GPR143: variants seen among roughly 807,000 people sequenced by gnomAD.
GPR143 encodes the protein G protein-coupled receptor 143.
GPR143 carries 8 observed loss-of-function variants against 27.6 expected under a neutral mutation model. That is an observed-to-expected ratio of 0.29 (90% confidence interval 0.17 to 0.52). GPR143 has a LOEUF of 0.52. Among genes scored for constraint, GPR143 ranks in the 20% least tolerant of loss-of-function variants. The pLI is 0.96. For missense variants in GPR143, 303 were observed against 343.1 expected, an observed-to-expected ratio of 0.88 and a Z score of 0.92; for synonymous variants, 156 against 153.2, an observed-to-expected ratio of 1.02 and a Z score of -0.13.
intron 8 of GPR143, among the ~76,000 whole-genome samples, 187 bp downstream of exon 8, chrX:9,739,298 T>C (rs776603255): frequency 3.1e-4 from 35 of 111,755 alleles, no homozygotes; most frequent in African/African-American, 1.1e-3. Context: ...CATTTGTCAA[T>C]GTCTAGAAAG....
rs1269264768 is a variant in GPR143 at position 9,739,575 on chromosome X, G to T, written c.1030C>A (p.Pro344Thr). Reference protein sequence around the residue: ...TSAAEGAHPSPLMPHENPASG... With the variant: ...TSAAEGAHPSTLMPHENPASG... ...GCAGGGTTTTCATGGGGCATCAGTG[G>T]GGATGGGTGAGCCCCCTCAGCAGCC... Residue 344 changes from proline (P) to threonine (T), a missense_variant, in exon 8 of 9, where the codon CCA becomes ACA. By Grantham distance (38) the Pro-to-Thr change is conservative (BLOSUM62 -1). Coordinates refer to ENST00000467482, the MANE Select transcript of GPR143 (RefSeq NM_000273.3). The T allele has an allele frequency of 1.7e-6, 2 of 1,208,679 alleles. No individual in the cohort carries two copies. The highest frequency in any genetic ancestry group is 1.1e-6 in the Non-Finnish European group (1 of 893,873).
intron 8 of GPR143, among the ~76,000 whole-genome samples, chrX:9,732,865 CAAAA>C (rs34622284): frequency 2.1e-5 from 1 of 48,193 alleles, no homozygotes; most frequent in Non-Finnish European, 3.7e-5. Flanking sequence ...AACTCCATCT[CAAAA>C]AAAAAAAAAA....
At chrX:9,750,573 T>C (rs946480853) in intron 3 of GPR143, among the ~76,000 whole-genome samples, 4 of 109,932 alleles carry the variant, frequency 3.6e-5, no homozygotes, top group Non-Finnish European at 7.6e-5. Flanking sequence ...AGATGGCATT[T>C]TTTTTTTCAA....
chrX:9,737,860 C>G (rs1202486631), intron 8 of GPR143, among the ~76,000 whole-genome samples: 1 of 110,940 alleles, frequency 9.0e-6, no homozygotes, highest in African/African-American at 3.3e-5. Context: ...ATAAACTAGG[C>G]ATGGTGGTGT....
chrX:9,753,876 G>A (rs1379790829), intron 3 of GPR143, among the ~76,000 whole-genome samples: 1 of 111,636 alleles, frequency 9.0e-6, no homozygotes, highest in East Asian at 2.8e-4. Context: ...CTTGCCTTTC[G>A]CCTCCCCATT....
intron 4 of GPR143, among the ~76,000 whole-genome samples, chrX:9,748,343 T>C (rs1373660400): frequency 8.9e-6 from 1 of 112,827 alleles, no homozygotes; most frequent in Non-Finnish European, 1.9e-5. Context: ...TGGGTGCCTA[T>C]GCACACAAAC....
intron 5 of GPR143, among the ~76,000 whole-genome samples, chrX:9,744,284 G>A (rs2083418171): frequency 8.9e-6 from 1 of 111,909 alleles, no homozygotes; most frequent in African/African-American, 3.2e-5. Flanking sequence ...TTGCAGTGAG[G>A]CAAGATCACT....
intron 3 of GPR143, among the ~76,000 whole-genome samples, chrX:9,751,387 G>A (rs1387844385): frequency 8.9e-6 from 1 of 112,621 alleles, no homozygotes; most frequent in African/African-American, 3.2e-5. Context: ...GACCATCAGC[G>A]CTGTTACTCT....
chrX:9,774,010 T>G (rs953914262), intron 1 of GPR143, among the ~76,000 whole-genome samples: 2 of 109,443 alleles, frequency 1.8e-5, no homozygotes, highest in African/African-American at 6.7e-5. Context: ...CCCAGCCAGA[T>G]GCAATGGTTC....
At chrX:9,730,992 G>T (rs1027021488) in intron 8 of GPR143, among the ~76,000 whole-genome samples, 2 of 111,824 alleles carry the variant, frequency 1.8e-5, no homozygotes, top group Non-Finnish European at 3.8e-5. Context: ...GAATGAATCA[G>T]CAGGGTTCCA....
rs1401315267 is a variant in GPR143 at position 9,765,645 on chromosome X, C to T, written c.173G>A (p.Gly58Glu). The change falls in exon 1 of 9, where the codon GGG becomes GAG. Residue 58 changes from glycine to glutamate, a missense_variant. Gly to Glu is a moderately conservative substitution (Grantham distance 98). Coordinates refer to ENST00000467482, the MANE Select transcript of GPR143 (RefSeq NM_000273.3). ...GGCCGGCGGGGACGTCGCGGGGGAC[C>T]CGGGGCCCGCGGGCCGGCGGCCGGG... ...LLPGRRPAGP[G>E]SPATSPPASV... The T allele has an allele frequency of 5.6e-5, 55 of 982,078 alleles. No individual in the cohort carries two copies. 80.9% of individuals were successfully genotyped at this position (982,078 alleles called of 1,213,427 possible).
upstream of GPR143, among the ~76,000 whole-genome samples, chrX:9,767,173 A>AT (rs112413683): frequency 3.8e-4 from 40 of 105,850 alleles, no homozygotes; most frequent in Non-Finnish European, 5.3e-4. Context: ...GCATACTAAG[A>AT]TTTTTTTTTT....
At chrX:9,728,412 A>AAT (rs1491059517) in intron 8 of GPR143, among the ~76,000 whole-genome samples, 1 of 107,314 alleles carries the variant, frequency 9.3e-6, no homozygotes, top group East Asian at 2.9e-4. Context: ...AAAAAAAAAA[A>AAT]ATTAGAGTTA....
intron 1 of GPR143, 96 bp from the exon 2 acceptor site, chrX:9,760,922 G>C (rs1458978357): frequency 2.1e-6 from 1 of 471,569 alleles, no homozygotes; most frequent in East Asian, 4.2e-5. Flanking sequence ...AATAGATAGA[G>C]ATAGGAAGAG....
At chrX:9,736,968 G>A (rs972250386) in intron 8 of GPR143, among the ~76,000 whole-genome samples, 2 of 111,884 alleles carry the variant, frequency 1.8e-5, no homozygotes, top group African/African-American at 3.2e-5. Context: ...CTAGTACACA[G>A]CCTGGTAGAG....
rs35066814 is a variant in GPR143 at position 9,725,980 on chromosome X, C to CAAAAAAA, written c.1121-147_1121-141dup. On this transcript the variant is annotated intron_variant, in intron 8 of 8. Coordinates refer to ENST00000467482, the MANE Select transcript of GPR143 (RefSeq NM_000273.3). ...AAAGTCCTAGCATTCATCTCATCTG[C>CAAAAAAA]AAAAAAAAAAAAAAAAAAAAAAAAA... 328 of 355,019 alleles carry CAAAAAAA rather than the reference C, an allele frequency of 9.2e-4. 14 individuals carry two copies. In the African/African-American group the frequency reaches 0.023, roughly 25 times the overall value. 29.3% of individuals were successfully genotyped at this position (355,019 alleles called of 1,213,427 possible). A position where few individuals can be genotyped will look rare whatever the true frequency, so the allele number is the denominator to read the frequency against.
rs769137336 is a variant in GPR143 at position 9,764,717 on chromosome X, G to A, written c.250+851C>T. ...ACGTCCCTTGGATGGGAATTTTACCGACCATGTGTTTGCAAAACTACCTAG... is the reference window on the plus strand; with the variant it reads ...ACGTCCCTTGGATGGGAATTTTACCAACCATGTGTTTGCAAAACTACCTAG... On this transcript the variant is annotated intron_variant, in intron 1 of 8. Coordinates refer to ENST00000467482, the MANE Select transcript of GPR143 (RefSeq NM_000273.3). 2.7e-5 allele frequency among the ~76,000 whole-genome samples: 3 copies of A among 111,283 alleles called. No individual in the cohort carries two copies. The East Asian group carries it at 8.5e-4, about 32-fold the overall frequency.
chrX:9,741,153 A>G (rs1479279097), intron 7 of GPR143, 185 bp downstream of exon 7: 1 of 374,013 alleles, frequency 2.7e-6, no homozygotes, highest in African/African-American at 2.6e-5. Context: ...GGGTGGAGGC[A>G]TACACCTGTA....
upstream of GPR143, chrX:9,765,974 G>C: frequency 2.1e-6 from 1 of 480,258 alleles, no homozygotes; most frequent in Non-Finnish European, 3.0e-6. Flanking sequence ...TGGGGGCCGA[G>C]AGCACTGGGC....
Sources: gnomAD v4.1 joint callset for allele counts (sites outside exome capture counted in the v4.1 genomes callset) on GRCh38, gnomAD v4.1.1 for gene constraint, MANE v1.5 for transcripts, NCBI Gene and HGNC (gene_info 2026-07-23, HGNC 2026-07-21) for gene names.